PRAMEF2: variants seen among roughly 807,000 people sequenced by gnomAD.
PRAMEF2 encodes the protein PRAME family member 2.
In PRAMEF2, 35 loss-of-function variants were observed where a neutral mutation model predicts 38.0. The ratio of observed to expected loss-of-function variants is 0.92; its 90% confidence interval spans 0.70 to 1.22. The LOEUF is 1.22. PRAMEF2 is among the 50% of genes most tolerant of loss of function. The pLI, the probability that PRAMEF2 is intolerant of heterozygous loss-of-function variation, is 0.00. For missense variants in PRAMEF2, 562 were observed against 553.9 expected (o/e 1.01, Z -0.15); for synonymous variants, 240 against 232.4 (o/e 1.03, Z -0.30).
chr1:12,858,924 G>C, intron 1 of PRAMEF2, 61 bp from the exon 2 acceptor site: 2 of 1,523,642 alleles, frequency 1.3e-6, no homozygotes, highest in Admixed American at 4.1e-5. Context: ...GGTCCTAGGA[G>C]AAGATGAGGT....
In PRAMEF2 at chr1:12,857,751, G is replaced by C. The variant is rs1640471563; in HGVS notation, c.-26+604G>C. Among the ~76,000 whole-genome samples the C allele has an allele frequency of 2.1e-5, 3 of 141,782 alleles. No individual in the cohort carries two copies. The South Asian group carries it at 6.7e-4, about 32-fold the overall frequency. The allele number at this position is 141,782 out of a possible 152,430, so 93.0% of individuals were successfully genotyped here. A position where few individuals can be genotyped will look rare whatever the true frequency, so the allele number is the denominator to read the frequency against. On this transcript the variant is annotated intron_variant, in intron 1 of 3. Coordinates refer to ENST00000240189, the MANE Select transcript of PRAMEF2 (RefSeq NM_023014.1). The stretch of plus-strand genomic sequence containing the variant: ...TTTCCCTATTGTTGCCCAGGCTGGA[G>C]TGCCATGGTGTGGTTTGGCTCACTG...
chr1:12,860,161 G>T lies in PRAMEF2; in HGVS notation c.756G>T (p.Glu252Asp), dbSNP rs3204809. The T allele has an allele frequency of 5.6e-6, 9 of 1,605,712 alleles. No individual in the cohort carries two copies. The African/African-American group carries it at 1.2e-4, about 22-fold the overall frequency. The part of the protein sequence containing the change: ...CHHYTSDNEL[E>D]GWLVTRFTSV... ...ATTACACGTCAGATAATGAACTCGA[G>T]GGATGGTTAGTCACCAGATTCACCT... Residue 252 changes from glutamate to aspartate, a missense_variant, in exon 3 of 4, where the codon GAG (glutamate) becomes GAT (aspartate). Glu to Asp is a conservative substitution (Grantham distance 45). Coordinates refer to ENST00000240189, the MANE Select transcript of PRAMEF2 (RefSeq NM_023014.1).
intron 1 of PRAMEF2, among the ~76,000 whole-genome samples, chr1:12,858,198 G>T (rs2100387450): frequency 6.7e-6 from 1 of 150,002 alleles, no homozygotes; most frequent in Admixed American, 6.9e-5. Context: ...TGCCTCCAGA[G>T]TAGCTAGGAT....
Position 12,859,075 on chromosome 1 carries a change from C to T in PRAMEF2, c.66C>T (p.Ala22=). The T allele has an allele frequency of 1.2e-6, 2 of 1,604,930 alleles. No individual in the cohort carries two copies. The highest frequency in any genetic ancestry group is 2.2e-5 in the South Asian group (2 of 90,414). Residue 22 remains alanine, a synonymous_variant, in exon 2 of 4, where the codon GCC becomes GCT. Coordinates refer to ENST00000240189, the MANE Select transcript of PRAMEF2 (RefSeq NM_023014.1). The stretch of plus-strand genomic sequence containing the variant: ...GGCAGAGCCTGCTGAGAGACCAGGC[C>T]TTGTCCATCTCTGCCATGGAGGAGC... ...LAGQSLLRDQ[A]LSISAMEELP...
chr1:12,861,098 C>G, intron 3 of PRAMEF2, 123 bp from the exon 4 acceptor site: 2 of 1,171,268 alleles, frequency 1.7e-6, no homozygotes, highest in Non-Finnish European at 2.4e-6. Context: ...TCCATGAGGA[C>G]CATCATCAGA....
intron 2 of PRAMEF2, 110 bp downstream of exon 2, chr1:12,859,406 T>C (rs1413145496): frequency 4.5e-6 from 7 of 1,570,160 alleles, no homozygotes; most frequent in South Asian, 1.2e-5. Context: ...CTGATGGTGT[T>C]GGCGAGGAAG....
intron 1 of PRAMEF2, 129 bp from the exon 2 acceptor site, chr1:12,858,856 G>A (rs1193609546): frequency 9.2e-7 from 1 of 1,086,356 alleles, no homozygotes; most frequent in Non-Finnish European, 1.3e-6. Context: ...AGGCCAACAA[G>A]CACAGTGGAA....
chr1:12,859,377 A>C (rs1194387672), intron 2 of PRAMEF2, 81 bp downstream of exon 2: 6 of 1,600,104 alleles, frequency 3.7e-6, no homozygotes, highest in Non-Finnish European at 5.1e-6. Context: ...GAAGTAACCC[A>C]AGTGCGGCCC....
intron 2 of PRAMEF2, 41 bp downstream of exon 2, chr1:12,859,337 T>A (rs757133866): frequency 6.2e-7 from 1 of 1,606,490 alleles, no homozygotes; most frequent in Non-Finnish European, 8.5e-7. Flanking sequence ...GGCTCAGGTG[T>A]CCAGGGAAAG....
At position 12,859,269 on chromosome 1, in the gene PRAMEF2, T is replaced by A. The variant is rs1185327190; in HGVS notation, c.260T>A (p.Met87Lys). 6.2e-7 allele frequency: 1 copy of A among 1,610,196 alleles called. No homozygotes were observed. ...PLKALLEGLH[M>K]LLTQKDRPRR... ...AAAGCATTGCTGGAAGGGCTTCATA[T>A]GCTGCTTACACAGAAGGATCGCCCC... Residue 87 changes from methionine (M) to lysine (K), a missense_variant, in exon 2 of 4, where the codon ATG becomes AAG. This residue lies in a region of PRAMEF2 where 486 missense variants were observed against 444.2 expected (regional missense o/e 1.09). Coordinates refer to ENST00000240189, the MANE Select transcript of PRAMEF2 (RefSeq NM_023014.1).
At position 12,858,455 on chromosome 1, in the gene PRAMEF2, G is replaced by C. The variant is rs145107448; in HGVS notation, c.-25-530G>C. 4.7e-4 allele frequency among the ~76,000 whole-genome samples: 71 copies of C among 149,944 alleles called. 1 individual carries two copies. In the East Asian group the frequency reaches 0.012, roughly 25 times the overall value. ...TGACCTCAAGTGATCTGCCTGCCTT[G>C]GTGTCCAGCAGTGTTGGGATTACAG... is the stretch of plus-strand genomic sequence containing the variant. On this transcript the variant is annotated intron_variant, in intron 1 of 3. Coordinates refer to ENST00000240189, the MANE Select transcript of PRAMEF2 (RefSeq NM_023014.1).
chr1:12,861,091 A>G (rs200771181), intron 3 of PRAMEF2, 130 bp from the exon 4 acceptor site: 32,949 of 1,064,910 alleles, frequency 0.031, no homozygotes, highest in East Asian at 0.16. Flanking sequence ...AGCAACTTCC[A>G]TGAGGACCAT....
Position 12,857,108 on chromosome 1 carries a change from CT to C in PRAMEF2, c.-64del, listed in dbSNP as rs1220802407. The C allele has an allele frequency of 2.0e-5, 3 of 148,598 alleles. No homozygotes were observed. In the South Asian group the frequency reaches 6.5e-4, roughly 32 times the overall value. The allele number at this position is 148,598 out of a possible 1,614,324, so 9.2% of individuals were successfully genotyped here. A position where few individuals can be genotyped will look rare whatever the true frequency, so the allele number is the denominator to read the frequency against. ...ACACCTGAAGCTACTGGTTGGTTCCCTGAGAGGTCCCAGAACTCTGCAAAGT... is the reference window on the plus strand; with the variant it reads ...ACACCTGAAGCTACTGGTTGGTTCCCGAGAGGTCCCAGAACTCTGCAAAGT... On this transcript the variant is annotated 5_prime_UTR_variant, in exon 1 of 4. Transcript: ENST00000240189.
At chr1:12,858,948 C>T in intron 1 of PRAMEF2, 37 bp from the exon 2 acceptor site, 1 of 1,569,358 alleles carries the variant, frequency 6.4e-7, no homozygotes, top group East Asian at 2.2e-5. Context: ...TGTGTTTGCC[C>T]TGAGAGTGAT....
chr1:12,859,629 A>G (rs1309291511), intron 2 of PRAMEF2, 64 bp from the exon 3 acceptor site: 2 of 1,597,854 alleles, frequency 1.3e-6, no homozygotes, highest in African/African-American at 2.7e-5. Flanking sequence ...TGGGATGAGA[A>G]TGAAAGCAAA....
Position 12,861,223 on chromosome 1 carries a change from G to A in PRAMEF2, c.869G>A (p.Cys290Tyr). 6.2e-7 allele frequency: 1 copy of A among 1,606,284 alleles called. No individual in the cohort carries two copies. Among genetic ancestry groups the A allele is most frequent in the Non-Finnish European group, 8.5e-7 (1 of 1,175,538 alleles). ...FSGHLEQLIR[C>Y]LQNPLENLEL... is the part of the protein sequence containing the mutation. ...AACTAACTTCTTGATCTCCACAGGT[G>A]CCTCCAGAACCCCTTGGAGAACTTG... Residue 290 changes from cysteine to tyrosine, a missense_variant and splice_region_variant, in exon 4 of 4, where the codon TGC becomes TAC. Physicochemically the swap from Cys to Tyr is radical, Grantham distance 194. Around this residue, in one of 2 missense-constraint regions of PRAMEF2, gnomAD observed 486 missense variants for 444.2 expected, o/e 1.09. Coordinates refer to ENST00000240189, the MANE Select transcript of PRAMEF2 (RefSeq NM_023014.1).
At position 12,859,029 on chromosome 1, in the gene PRAMEF2, C is replaced by G. The variant is rs776562157; in HGVS notation, c.20C>G (p.Pro7Arg). 6.2e-7 allele frequency: 1 copy of G among 1,603,784 alleles called. No homozygotes were observed. The highest frequency in any genetic ancestry group is 8.5e-7 in the Non-Finnish European group (1 of 1,176,304). MSIQAPPRLLELAGQSL... is the reference protein window; with the variant it reads MSIQAPRRLLELAGQSL... ...ATCAGGATGAGCATCCAGGCCCCAC[C>G]GAGACTACTGGAGCTGGCGGGGCAG... The change falls in exon 2 of 4, where the codon CCG (proline) becomes CGG (arginine). Residue 7 changes from proline (P) to arginine (R), a missense_variant. By Grantham distance (103) the Pro-to-Arg change is moderately radical. Transcript: ENST00000240189.
In PRAMEF2 at chr1:12,858,406, A is replaced by G. The variant is rs2100387760; in HGVS notation, c.-25-579A>G. On this transcript the variant is annotated intron_variant, in intron 1 of 3. Transcript: ENST00000240189. ...TAGTAGAGACATGGTTTCATTATGT[A>G]GGCCCAGGCTGTTCTCGAACTCCTG... Among the ~76,000 whole-genome samples the G allele has an allele frequency of 1.3e-5, 2 of 150,158 alleles. 1 individual carries two copies. Among genetic ancestry groups the G allele is most frequent in the African/African-American group, 4.9e-5 (2 of 40,976 alleles).
chr1:12,859,996 G>A lies in PRAMEF2; in HGVS notation c.591G>A (p.Lys197=), dbSNP rs776103602. The change falls in exon 3 of 4, where the codon AAG becomes AAA. Residue 197 remains lysine, a synonymous_variant. Coordinates refer to ENST00000240189, the MANE Select transcript of PRAMEF2 (RefSeq NM_023014.1). ...NYLTPIKYLR[K]SLKIIYINSI... Reference sequence around the variant, plus strand: ...TAACGCCAATTAAATATCTCAGAAAGTCATTGAAAATAATATACATTAATA... The same window carrying A: ...TAACGCCAATTAAATATCTCAGAAAATCATTGAAAATAATATACATTAATA... 1.9e-6 allele frequency: 3 copies of A among 1,607,462 alleles called. No homozygotes were observed. The highest frequency in any genetic ancestry group is 2.5e-6 in the Non-Finnish European group (3 of 1,176,844).
Sources: allele counts gnomAD v4.1 joint callset (sites outside exome capture counted in the v4.1 genomes callset), GRCh38; gene constraint gnomAD v4.1.1; regional missense constraint gnomAD v4.1.1; transcripts MANE v1.5; gene names NCBI Gene and HGNC (gene_info 2026-07-23, HGNC 2026-07-21).